The following NCR2 variants were observed in gnomAD, a reference collection of about 807,000 sequenced individuals.
NCR2 encodes natural cytotoxicity triggering receptor 2.
Under a neutral mutation model 30.7 loss-of-function variants are expected in NCR2, and 35 were observed. The observed-to-expected ratio is 1.14, with a 90% CI of 0.87 to 1.51. The LOEUF (loss-of-function observed/expected upper bound fraction) is 1.51, where lower values mean the gene tolerates loss of function less well. Among genes scored for constraint, NCR2 ranks in the 40% most tolerant of loss-of-function variants. NCR2 has a pLI of 0.00. For synonymous variants in NCR2, 146 were observed against 134.8 expected (o/e 1.08, Z -0.58); for missense variants, 316 against 328.9 (o/e 0.96, Z 0.30).
intron 4 of NCR2, among the ~76,000 whole-genome samples, chr6:41,345,319 C>G (rs1242475540): frequency 6.6e-6 from 1 of 152,148 alleles, no homozygotes; most frequent in Non-Finnish European, 1.5e-5. Flanking sequence ...GTAAAAATGA[C>G]TTCCCTCTTA....
chr6:41,342,819 C>A, intron 4 of NCR2: 1 of 1,037,318 alleles, frequency 9.6e-7, no homozygotes, highest in Non-Finnish European at 1.4e-6. Flanking sequence ...CTCAGTCAGG[C>A]CAGGAGCCGG....
At position 41,341,835 on chromosome 6, in the gene NCR2, G is replaced by A. The variant is rs750433872; in HGVS notation, c.436G>A (p.Val146Ile). 11 of 1,613,222 alleles carry A rather than the reference G, an allele frequency of 6.8e-6. No homozygotes were observed. Among genetic ancestry groups the A allele is most frequent in the Non-Finnish European group, 9.3e-6 (11 of 1,179,930 alleles). The part of the protein sequence containing the change: ...TQTSWTPRDL[V>I]SSQTQTQSCV... ...GACCTCCTGGACTCCCCGCGACCTG[G>A]TCTCTTCACAGACCCAGACCCAGAG... The change falls in exon 3 of 5, where the codon GTC becomes ATC. Residue 146 changes from valine (V) to isoleucine (I), a missense_variant. Coordinates refer to ENST00000373089, the MANE Select transcript of NCR2 (RefSeq NM_004828.4).
chr6:41,347,002 A>T (rs192490557), intron 4 of NCR2, among the ~76,000 whole-genome samples: 1 of 152,356 alleles, frequency 6.6e-6, no homozygotes, highest in Admixed American at 6.5e-5. Context: ...CCCTACTCTT[A>T]TCTCAAGCCA....
chr6:41,342,978 C>G lies in NCR2; in HGVS notation c.644+829C>G, dbSNP rs199944278. On this transcript the variant is annotated intron_variant, in intron 4 of 4. Transcript: ENST00000373089. ...GGTCTCTGCTGCACCCAGCTCAGCC[C>G]AGGCCCCAGGCCCATAGACACTTCC... 509 of 1,550,468 alleles carry G rather than the reference C, an allele frequency of 3.3e-4. 1 individual carries two copies. Among genetic ancestry groups the G allele is most frequent in the Non-Finnish European group, 3.5e-4 (402 of 1,146,990 alleles).
intron 2 of NCR2, among the ~76,000 whole-genome samples, chr6:41,337,259 A>G (rs999595151): frequency 6.6e-6 from 1 of 152,242 alleles, no homozygotes; most frequent in Non-Finnish European, 1.5e-5. Context: ...ATTAAATTTG[A>G]CAAACATAAA....
intron 4 of NCR2, among the ~76,000 whole-genome samples, chr6:41,350,398 C>T (rs776421849): frequency 2.6e-5 from 4 of 151,650 alleles, no homozygotes; most frequent in Admixed American, 2.6e-4. Flanking sequence ...AGAGGGTGAA[C>T]CTGGAGACTT....
In NCR2 at chr6:41,341,857, A is replaced by G. The variant is rs778760077; in HGVS notation, c.458A>G (p.Gln153Arg). 1.2e-6 allele frequency: 2 copies of G among 1,613,666 alleles called. No homozygotes were observed. The highest frequency in any genetic ancestry group is 1.7e-6 in the Non-Finnish European group (2 of 1,179,986). The change falls in exon 3 of 5, where the codon CAG becomes CGG. Residue 153 changes from glutamine to arginine, a missense_variant. Gln to Arg is a conservative substitution (Grantham distance 43). Transcript: ENST00000373089. ...RDLVSSQTQT[Q>R]SCVPPTAGAR... ...CTGGTCTCTTCACAGACCCAGACCCAGAGCTGTGTGCCTCCCACTGCAGGA... is the reference window on the plus strand; with the variant it reads ...CTGGTCTCTTCACAGACCCAGACCCGGAGCTGTGTGCCTCCCACTGCAGGA...
At chr6:41,340,380 T>G (rs1769139751) in intron 2 of NCR2, among the ~76,000 whole-genome samples, 1 of 152,166 alleles carries the variant, frequency 6.6e-6, no homozygotes, top group African/African-American at 2.4e-5. Flanking sequence ...CAGGCTGGTC[T>G]CAAACTCCTG....
At chr6:41,337,955 C>T (rs1479691614) in intron 2 of NCR2, among the ~76,000 whole-genome samples, 1 of 152,148 alleles carries the variant, frequency 6.6e-6, no homozygotes, top group Non-Finnish European at 1.5e-5. Context: ...TTAATGTTTT[C>T]CCATGAGCAC....
At chr6:41,342,938 T>C in intron 4 of NCR2, 1 of 1,550,592 alleles carries the variant, frequency 6.4e-7, no homozygotes, top group Non-Finnish European at 8.7e-7. Flanking sequence ...AATCGGCACA[T>C]GCAGCATCAA....
Position 41,341,813 on chromosome 6 carries a change from C to G in NCR2, c.414C>G (p.Thr138=), listed in dbSNP as rs760431967. The change falls in exon 3 of 5, where the codon ACC becomes ACG. Residue 138 remains threonine (T), a synonymous_variant. Coordinates refer to ENST00000373089, the MANE Select transcript of NCR2 (RefSeq NM_004828.4). ...TGGCAGCCTCTGCCTCCACACAGACCTCCTGGACTCCCCGCGACCTGGTCT... is the reference window on the plus strand; with the variant it reads ...TGGCAGCCTCTGCCTCCACACAGACGTCCTGGACTCCCCGCGACCTGGTCT... ...VVSPASASTQ[T]SWTPRDLVSS... 1 of 1,612,022 alleles carries G rather than the reference C, an allele frequency of 6.2e-7. No individual in the cohort carries two copies. Among genetic ancestry groups the G allele is most frequent in the Admixed American group, 1.7e-5 (1 of 59,974 alleles).
intron 4 of NCR2, among the ~76,000 whole-genome samples, 192 bp from the exon 5 acceptor site, chr6:41,350,486 C>A (rs1769399347): frequency 6.6e-6 from 1 of 152,222 alleles, no homozygotes; most frequent in Non-Finnish European, 1.5e-5. Context: ...ACTGACCAAA[C>A]TGGGCTCAAA....
At chr6:41,340,077 G>A (rs1769131418) in intron 2 of NCR2, among the ~76,000 whole-genome samples, 1 of 152,080 alleles carries the variant, frequency 6.6e-6, no homozygotes, top group South Asian at 2.1e-4. Flanking sequence ...TAAAATGATT[G>A]TAAAAATAAT....
At chr6:41,338,691 A>AT (rs1769090470) in intron 2 of NCR2, among the ~76,000 whole-genome samples, 2 of 152,214 alleles carry the variant, frequency 1.3e-5, no homozygotes, top group South Asian at 4.1e-4. Context: ...ATATTTGTAC[A>AT]TTTTTTCAAA....
Position 41,350,854 on chromosome 6 carries a change from A to C in NCR2, c.821A>C (p.His274Pro). Residue 274 changes from histidine (H) to proline (P), a missense_variant, in exon 5 of 5, where the codon CAC becomes CCC. By Grantham distance (77) the His-to-Pro change is moderately conservative (BLOSUM62 -2). Transcript: ENST00000373089. ...RTKISDDDDE[H>P]TL ...AAGATAAGCGATGATGATGATGAAC[A>C]CACTTTGTGAATAATAAAATTATCT... 1 of 843,154 alleles carries C rather than the reference A, an allele frequency of 1.2e-6. No homozygotes were observed. Among genetic ancestry groups the C allele is most frequent in the Admixed American group, 1.9e-5 (1 of 53,098 alleles). 52.2% of individuals were successfully genotyped at this position (843,154 alleles called of 1,614,324 possible).
At chr6:41,337,313 A>G (rs1769056945) in intron 2 of NCR2, among the ~76,000 whole-genome samples, 1 of 152,232 alleles carries the variant, frequency 6.6e-6, no homozygotes, top group Admixed American at 6.5e-5. Context: ...TCACATAGGG[A>G]AAAATTTATA....
rs1200753908 is a variant in NCR2 at position 41,341,906 on chromosome 6, A to G, written c.507A>G (p.Pro169=). 3 of 1,614,046 alleles carry G rather than the reference A, an allele frequency of 1.9e-6. No homozygotes were observed. The highest frequency in any genetic ancestry group is 2.7e-5 in the African/African-American group (2 of 75,036). The change falls in exon 3 of 5, where the codon CCA becomes CCG. Residue 169 remains proline (P), a synonymous_variant. Coordinates refer to ENST00000373089, the MANE Select transcript of NCR2 (RefSeq NM_004828.4). The part of the protein sequence containing the change: ...TAGARQAPES[P]STIPVPSQPQ... ...GAGCCAGACAAGCCCCTGAGTCTCC[A>G]TCTACCATCCCTGTCCCTTCACAGT...
intron 4 of NCR2, among the ~76,000 whole-genome samples, chr6:41,344,269 A>G (rs1257342732): frequency 6.6e-6 from 1 of 151,982 alleles, no homozygotes; most frequent in Non-Finnish European, 1.5e-5. Context: ...CCTTACCACC[A>G]CCAACATGGC....
rs752961606 is a variant in NCR2, at chr6:41,336,469, C to T, written c.394+41C>T. On this transcript the variant is annotated intron_variant, in intron 2 of 4. Coordinates refer to ENST00000373089, the MANE Select transcript of NCR2 (RefSeq NM_004828.4). ...AGGGTCCTCAGAGGGGTGCCCCTCA[C>T]CCCCTTTTGGTGCCTCCATCACCCC... is the stretch of plus-strand genomic sequence containing the variant. 2.6e-6 allele frequency: 4 copies of T among 1,544,606 alleles called. 1 individual carries two copies. The highest frequency in any genetic ancestry group is 3.5e-6 in the Non-Finnish European group (4 of 1,127,482).
Sources: gnomAD v4.1 joint callset for allele counts (sites outside exome capture counted in the v4.1 genomes callset) on GRCh38, gnomAD v4.1.1 for gene constraint, MANE v1.5 for transcripts, NCBI Gene and HGNC (gene_info 2026-07-23, HGNC 2026-07-21) for gene names.